Variants in GSTCD observed in about 807,000 individuals in gnomAD.
GSTCD encodes the protein glutathione S-transferase C-terminal domain-containing protein.
In GSTCD, 44 loss-of-function variants were observed where a neutral mutation model predicts 68.3. The ratio of observed to expected loss-of-function variants is 0.64; its 90% CI spans 0.51 to 0.83. The LOEUF is 0.83. GSTCD is among the 40% of genes least tolerant of loss of function. The probability of loss-of-function intolerance (pLI) is 0.00; values close to 1 mark genes in which losing one functional copy is unlikely to be tolerated. For missense variants in GSTCD, 739 were observed against 735.9 expected (o/e 1.00, Z -0.05); for synonymous variants, 273 against 255.2 (o/e 1.07, Z -0.67).
chr4:105,837,824 A>G (rs1364402273), intron 9 of GSTCD, 35 bp from the exon 10 acceptor site: 3 of 875,902 alleles, frequency 3.4e-6, no homozygotes, highest in African/African-American at 3.5e-5. Context: ...CTTAATATTT[A>G]GAATGATGAC....
chr4:105,773,931 G>T (rs965995558), intron 5 of GSTCD, among the ~76,000 whole-genome samples: 2 of 152,046 alleles, frequency 1.3e-5, no homozygotes, highest in Admixed American at 6.6e-5. Flanking sequence ...TGTCTCATTG[G>T]TCTGGCTAAT....
chr4:105,805,815 G>T (rs1722464649), intron 5 of GSTCD, among the ~76,000 whole-genome samples: 1 of 151,918 alleles, frequency 6.6e-6, no homozygotes, highest in Non-Finnish European at 1.5e-5. Flanking sequence ...CCATTCTTCT[G>T]CCTCTTCTTC....
rs531095637 is a variant in GSTCD, at chr4:105,793,522, A to C, written c.1241-29432A>C. Reference sequence around the variant, plus strand: ...ATTAAAACAGAGTTCATTCTTAAAAATGCCTATTTTGGTGTTAACTGAATT... The same window carrying C: ...ATTAAAACAGAGTTCATTCTTAAAACTGCCTATTTTGGTGTTAACTGAATT... On this transcript the variant is annotated intron_variant, in intron 5 of 11. Transcript: ENST00000515279. Among the ~76,000 whole-genome samples the C allele has an allele frequency of 5.1e-4, 78 of 152,028 alleles. 1 individual carries two copies. Among genetic ancestry groups the C allele is most frequent in the South Asian group, 2.1e-4 (1 of 4,816 alleles).
At chr4:105,749,954 A>G (rs1245041037) in intron 5 of GSTCD, among the ~76,000 whole-genome samples, 5 of 152,154 alleles carry the variant, frequency 3.3e-5, no homozygotes, top group Non-Finnish European at 7.4e-5. Context: ...CAAGATATAT[A>G]AAGAGTTCTC....
At chr4:105,784,175 A>G (rs1560827209) in intron 5 of GSTCD, among the ~76,000 whole-genome samples, 2 of 152,342 alleles carry the variant, frequency 1.3e-5, no homozygotes, top group East Asian at 1.9e-4. Flanking sequence ...TTCATTTAGC[A>G]TCTGTCGTAG....
At chr4:105,822,905 C>G (rs202024608) in intron 5 of GSTCD, 49 bp from the exon 6 acceptor site, 1 of 1,389,362 alleles carries the variant, frequency 7.2e-7, no homozygotes, top group Admixed American at 1.7e-5. Context: ...TCTTCTTGTT[C>G]CCTCAAAATA....
chr4:105,717,961 C>T lies in GSTCD; in HGVS notation c.348C>T (p.Ser116=), dbSNP rs1258582039. Residue 116 remains serine (S), a synonymous_variant, in exon 2 of 12, where the codon TCC becomes TCT. Coordinates refer to ENST00000515279, the MANE Select transcript of GSTCD (RefSeq NM_001370181.1). The part of the protein sequence containing the change: ...AVVLRHIIQK[S]YEADPLKKEL... ...TATTGAGACACATAATCCAGAAATC[C>T]TATGAAGCAGACCCCTTAAAGAAGG... 2 of 1,614,012 alleles carry T rather than the reference C, an allele frequency of 1.2e-6. No individual in the cohort carries two copies. Among genetic ancestry groups the T allele is most frequent in the South Asian group, 1.1e-5 (1 of 91,080 alleles).
At chr4:105,735,566 T>C (rs1439930871) in intron 5 of GSTCD, among the ~76,000 whole-genome samples, 1 of 152,196 alleles carries the variant, frequency 6.6e-6, no homozygotes, top group Non-Finnish European at 1.5e-5. Context: ...TTCCGGGTGC[T>C]GTGTGTCACC....
chr4:105,722,957 G>C (rs1732918157), intron 3 of GSTCD, among the ~76,000 whole-genome samples: 2 of 151,996 alleles, frequency 1.3e-5, no homozygotes, highest in African/African-American at 4.8e-5. Context: ...TACCTTCTGA[G>C]CTATCTGGAT....
At chr4:105,805,234 A>C (rs76907199) in intron 5 of GSTCD, among the ~76,000 whole-genome samples, 6,262 of 152,210 alleles carry the variant, frequency 0.041, 432 homozygotes, top group African/African-American at 0.14. Context: ...GAAAAATTAC[A>C]TGAAGATTTA....
intron 7 of GSTCD, among the ~76,000 whole-genome samples, chr4:105,824,922 C>A (rs1483477055): frequency 2.6e-5 from 4 of 152,162 alleles, no homozygotes; most frequent in East Asian, 1.9e-4. Context: ...CCATTCCCCC[C>A]AAACCGATTT....
chr4:105,797,076 G>A (rs1158604384), intron 5 of GSTCD, among the ~76,000 whole-genome samples: 2 of 151,370 alleles, frequency 1.3e-5, no homozygotes, highest in East Asian at 1.9e-4. Flanking sequence ...GTGTGTGTGT[G>A]TGTATGTGTG....
At chr4:105,783,982 T>C (rs1735373326) in intron 5 of GSTCD, among the ~76,000 whole-genome samples, 1 of 152,204 alleles carries the variant, frequency 6.6e-6, no homozygotes, top group Non-Finnish European at 1.5e-5. Flanking sequence ...ACTACAGAAG[T>C]GATGCACCAC....
chr4:105,798,921 T>A (rs144873491), intron 5 of GSTCD, among the ~76,000 whole-genome samples: 1 of 152,340 alleles, frequency 6.6e-6, no homozygotes, highest in African/African-American at 2.4e-5. Context: ...AAGTCCTAGA[T>A]GGCATCTTCT....
chr4:105,776,853 C>G (rs768584711), intron 5 of GSTCD, among the ~76,000 whole-genome samples: 14 of 152,158 alleles, frequency 9.2e-5, no homozygotes, highest in African/African-American at 1.4e-4. Context: ...ATTTCCTCAT[C>G]TCCAGGATAA....
At chr4:105,762,620 C>T (rs554127421) in intron 5 of GSTCD, among the ~76,000 whole-genome samples, 4 of 152,266 alleles carry the variant, frequency 2.6e-5, no homozygotes, top group African/African-American at 9.6e-5. Context: ...CATTTCAGAG[C>T]TCCAGGTTGC....
intron 5 of GSTCD, among the ~76,000 whole-genome samples, chr4:105,730,057 A>G (rs1411200509): frequency 6.6e-6 from 1 of 152,140 alleles, no homozygotes; most frequent in Non-Finnish European, 1.5e-5. Flanking sequence ...CCATGTCCCT[A>G]CAAAGGACAT....
intron 5 of GSTCD, among the ~76,000 whole-genome samples, chr4:105,808,593 C>T (rs903360349): frequency 1.3e-5 from 2 of 152,070 alleles, no homozygotes; most frequent in Non-Finnish European, 2.9e-5. Context: ...AAAAGCTTTG[C>T]ATACTGTAGC....
intron 5 of GSTCD, chr4:105,807,080 A>G (rs911848170): frequency 1.3e-5 from 2 of 152,036 alleles, no homozygotes; most frequent in Admixed American, 6.6e-5. Flanking sequence ...TCTTCTTCCA[A>G]TCTTTTGTTT....
Sources: gnomAD v4.1 joint callset for allele counts (sites outside exome capture counted in the v4.1 genomes callset) on GRCh38, gnomAD v4.1.1 for gene constraint, MANE v1.5 for transcripts, NCBI Gene and HGNC (gene_info 2026-07-23, HGNC 2026-07-21) for gene names.